Variants in PLEKHM3 observed in about 807,000 individuals in gnomAD.
PLEKHM3 encodes the protein pleckstrin homology domain-containing family M member 3.
A neutral mutation model predicts 81.8 loss-of-function variants in PLEKHM3; 45 were observed. The ratio of observed to expected loss-of-function variants is 0.55; its 90% CI spans 0.43 to 0.71. The LOEUF is 0.71. Among genes scored for constraint, PLEKHM3 ranks in the 30% least tolerant of loss-of-function variants. PLEKHM3 has a pLI of 0.00. For synonymous variants in PLEKHM3, 352 were observed against 356.4 expected, an observed-to-expected ratio of 0.99 and a Z score of 0.14; for missense variants, 788 against 924.3, an observed-to-expected ratio of 0.85 and a Z score of 1.91.
intron 4 of PLEKHM3, among the ~76,000 whole-genome samples, chr2:207,943,693 C>G (rs1690020176): frequency 6.6e-6 from 1 of 151,532 alleles, no homozygotes. Context: ...ACGGTGAAAC[C>G]CCGTCTCTAC....
chr2:207,828,742 G>A lies in PLEKHM3; in HGVS notation c.2109-246C>T, dbSNP rs566451681. On this transcript the variant is annotated intron_variant, in intron 7 of 7. Transcript: ENST00000427836. Reference sequence around the variant, plus strand: ...AGGGCTTATGAGTGGGGGGGAGTCCGCAGTCACCCAGCAATTCTGGTTATA... The same window carrying A: ...AGGGCTTATGAGTGGGGGGGAGTCCACAGTCACCCAGCAATTCTGGTTATA... 1.5e-4 allele frequency among the ~76,000 whole-genome samples: 23 copies of A among 152,262 alleles called. No homozygotes were observed. The East Asian group carries it at 4.0e-3, about 27-fold the overall frequency.
At chr2:208,022,790 T>A (rs1693169507) in intron 1 of PLEKHM3, among the ~76,000 whole-genome samples, 1 of 152,208 alleles carries the variant, frequency 6.6e-6, no homozygotes. Flanking sequence ...TAAATTAAAC[T>A]GTGCCACATA....
At chr2:207,862,010 G>C (rs1261542513) in intron 6 of PLEKHM3, among the ~76,000 whole-genome samples, 1 of 152,134 alleles carries the variant, frequency 6.6e-6, no homozygotes, top group Non-Finnish European at 1.5e-5. Flanking sequence ...CTGCCTGACA[G>C]CTGTTCCCAT....
At chr2:207,872,518 T>C (rs1469395352) in intron 6 of PLEKHM3, among the ~76,000 whole-genome samples, 1 of 152,166 alleles carries the variant, frequency 6.6e-6, no homozygotes, top group Non-Finnish European at 1.5e-5. Flanking sequence ...CAAAATTCTG[T>C]GACAGAAATG....
chr2:207,885,132 C>T (rs1038324010), intron 6 of PLEKHM3, among the ~76,000 whole-genome samples: 5 of 152,208 alleles, frequency 3.3e-5, no homozygotes, highest in South Asian at 2.1e-4. Context: ...ACTGAATCTA[C>T]GGAGCGATCC....
chr2:207,902,602 A>G (rs1169640623), intron 6 of PLEKHM3, among the ~76,000 whole-genome samples: 2 of 152,194 alleles, frequency 1.3e-5, no homozygotes, highest in Non-Finnish European at 2.9e-5. Context: ...GGAAGTTTAC[A>G]ACACTAAACA....
chr2:207,894,949 T>G (rs1050082420), intron 6 of PLEKHM3, among the ~76,000 whole-genome samples: 7 of 152,140 alleles, frequency 4.6e-5, no homozygotes, highest in African/African-American at 1.4e-4. Context: ...ATAGGGCTAT[T>G]GTGTGGATTA....
chr2:207,848,037 T>G (rs1248025575), intron 7 of PLEKHM3, among the ~76,000 whole-genome samples: 1 of 152,174 alleles, frequency 6.6e-6, no homozygotes, highest in Non-Finnish European at 1.5e-5. Flanking sequence ...TCAGGCTGAT[T>G]AGGGAGAAAA....
chr2:207,931,918 T>A (rs985951376), intron 4 of PLEKHM3, among the ~76,000 whole-genome samples: 7 of 152,200 alleles, frequency 4.6e-5, no homozygotes, highest in Non-Finnish European at 8.8e-5. Context: ...GGTTGCAGTG[T>A]GCCCAGATCA....
At chr2:207,963,518 G>A (rs1690809230) in intron 3 of PLEKHM3, among the ~76,000 whole-genome samples, 1 of 152,144 alleles carries the variant, frequency 6.6e-6, no homozygotes. Context: ...AATGAAAGCA[G>A]GAAAACTGGT....
chr2:207,834,511 C>T (rs1575264517), intron 7 of PLEKHM3, among the ~76,000 whole-genome samples: 1 of 151,270 alleles, frequency 6.6e-6, no homozygotes, highest in South Asian at 2.1e-4. Context: ...CCGCAACCTC[C>T]ACCTCCTGGG....
In PLEKHM3 at chr2:207,826,088, G is replaced by C. The variant is rs1465991477; in HGVS notation, c.*2231C>G. ...TCAGGTCTCCAAATGCAGTGTGCTA[G>C]GAATGGCCTCGCTGACAGTTGGAAT... On this transcript the variant is annotated 3_prime_UTR_variant, in exon 8 of 8. Coordinates refer to ENST00000427836, the MANE Select transcript of PLEKHM3 (RefSeq NM_001080475.3). 2 of 152,212 alleles carry C rather than the reference G, an allele frequency of 1.3e-5. No individual in the cohort carries two copies. The highest frequency in any genetic ancestry group is 2.4e-5 in the African/African-American group (1 of 41,444). 9.4% of individuals were successfully genotyped at this position (152,212 alleles called of 1,614,324 possible).
chr2:207,966,713 C>T (rs549795630), intron 3 of PLEKHM3, among the ~76,000 whole-genome samples: 11 of 152,076 alleles, frequency 7.2e-5, no homozygotes, highest in South Asian at 2.1e-4. Flanking sequence ...CCACCATGCC[C>T]GGCTAATTTT....
intron 6 of PLEKHM3, chr2:207,899,926 A>G (rs1206610106): frequency 6.6e-6 from 1 of 152,192 alleles, no homozygotes; most frequent in African/African-American, 2.4e-5. Flanking sequence ...TTACAGTCAT[A>G]GCCTCTAGGA....
intron 7 of PLEKHM3, among the ~76,000 whole-genome samples, chr2:207,836,743 G>T (rs2092321490): frequency 6.6e-6 from 1 of 152,240 alleles, no homozygotes; most frequent in Admixed American, 6.5e-5. Context: ...TGAGGTCACT[G>T]AAATGCTTCT....
chr2:207,970,312 G>A (rs1691071454), intron 3 of PLEKHM3, among the ~76,000 whole-genome samples: 1 of 151,854 alleles, frequency 6.6e-6, no homozygotes, highest in African/African-American at 2.4e-5. Flanking sequence ...ACACAAAGAG[G>A]AGGAAAATGC....
intron 7 of PLEKHM3, among the ~76,000 whole-genome samples, chr2:207,845,857 A>C (rs1158890120): frequency 6.6e-6 from 1 of 152,248 alleles, no homozygotes; most frequent in African/African-American, 2.4e-5. Flanking sequence ...CATTATTTCA[A>C]AACGGTGGAC....
rs991353761 is a variant in PLEKHM3 at position 207,934,836 on chromosome 2, C to T, written c.1693-3717G>A. On this transcript the variant is annotated intron_variant, in intron 4 of 7. Transcript: ENST00000427836. ...TTCGAACATAATACGACTTTTGTTA[C>T]GCTAGTGACAGCCACTTCTTAAAAA... Among the ~76,000 whole-genome samples the T allele has an allele frequency of 7.9e-5, 12 of 152,288 alleles. 1 individual carries two copies. The highest frequency in any genetic ancestry group is 8.8e-5 in the Non-Finnish European group (6 of 68,018).
At chr2:207,868,517 C>A (rs1034068068) in intron 6 of PLEKHM3, 2 of 152,174 alleles carry the variant, frequency 1.3e-5, no homozygotes, top group African/African-American at 4.8e-5. Context: ...GAGACTTTGG[C>A]AAGCTACTTA....
Sources: allele counts gnomAD v4.1 joint callset (sites outside exome capture counted in the v4.1 genomes callset), GRCh38; gene constraint gnomAD v4.1.1; transcripts MANE v1.5; gene names NCBI Gene and HGNC (gene_info 2026-07-23, HGNC 2026-07-21).